FAAP20: variants seen among roughly 807,000 people sequenced by gnomAD.
FAAP20 encodes Fanconi anemia core complex-associated protein 20.
FAAP20 carries 12 observed loss-of-function variants against 16.2 expected under a neutral mutation model. The ratio of observed to expected loss-of-function variants is 0.74; its 90% CI spans 0.48 to 1.20. FAAP20 has a LOEUF of 1.20. Ranked by LOEUF, FAAP20 falls within the 50% of genes most tolerant of loss-of-function variation. The pLI is 0.00. For missense variants in FAAP20, 288 were observed against 245.8 expected, an observed-to-expected ratio of 1.17 and a Z score of -1.15; for synonymous variants, 141 against 110.7, an observed-to-expected ratio of 1.27 and a Z score of -1.72.
chr1:2,211,900 C>CTTTTT (rs60874812), downstream of FAAP20, among the ~76,000 whole-genome samples: 365 of 98,768 alleles, frequency 3.7e-3, 4 homozygotes, highest in Middle Eastern at 7.8e-3. Flanking sequence ...CAAGCTGCTG[C>CTTTTT]TTTTTTTTTT....
intron 3 of FAAP20, chr1:2,190,610 G>A: frequency 2.8e-6 from 1 of 354,674 alleles, no homozygotes; most frequent in Non-Finnish European, 5.7e-6. Context: ...GAGAGTGCCG[G>A]AGCTGGCGTG....
At chr1:2,204,905 T>TC, upstream of FAAP20, among the ~76,000 whole-genome samples, 1 of 8,452 alleles carries the variant, frequency 1.2e-4, no homozygotes. Context: ...GCCCCGCCCC[T>TC]CAAGCCCCCC....
At chr1:2,203,635 G>A (rs1689130325), upstream of FAAP20, 1 of 985,964 alleles carries the variant, frequency 1.0e-6, no homozygotes, top group Non-Finnish European at 1.2e-6. Context: ...TGGGGCCTGA[G>A]CGGAGGGAAG....
At chr1:2,206,924 C>T (rs1458722654) in intron 1 of FAAP20, among the ~76,000 whole-genome samples, 1 of 152,068 alleles carries the variant, frequency 6.6e-6, no homozygotes, top group Non-Finnish European at 1.5e-5. Context: ...ATGCAGCCAG[C>T]TTCTTCCCTG....
At chr1:2,200,877 T>A, upstream of FAAP20, 2 of 1,078,270 alleles carry the variant, frequency 1.9e-6, no homozygotes, top group Middle Eastern at 4.6e-4. Context: ...GTGGAGAGGG[T>A]GGCTGGGACC....
At chr1:2,201,085 T>C (rs1217994767), upstream of FAAP20, 1 of 1,289,122 alleles carries the variant, frequency 7.8e-7, no homozygotes, top group African/African-American at 1.5e-5. Flanking sequence ...CATAGGAAAC[T>C]GTGCTTGGTG....
At chr1:2,201,375 C>G (rs560123589), upstream of FAAP20, 4 of 495,970 alleles carry the variant, frequency 8.1e-6, no homozygotes, top group Non-Finnish European at 1.1e-5. Flanking sequence ...AAGGCACCGC[C>G]GGGGGCTTAG....
At chr1:2,204,477 G>A (rs1689162746), upstream of FAAP20, among the ~76,000 whole-genome samples, 1 of 152,230 alleles carries the variant, frequency 6.6e-6, no homozygotes, top group Non-Finnish European at 1.5e-5. Context: ...CCAGGAAAAA[G>A]CCGCCAGGCC....
chr1:2,204,056 T>A (rs865948725), upstream of FAAP20, among the ~76,000 whole-genome samples: 14 of 152,202 alleles, frequency 9.2e-5, no homozygotes, highest in Admixed American at 3.9e-4. Context: ...AGCTCACATC[T>A]GGGCAGTTGG....
upstream of FAAP20, among the ~76,000 whole-genome samples, chr1:2,204,889 C>A (rs934799468): frequency 9.6e-6 from 1 of 104,540 alleles, no homozygotes; most frequent in African/African-American, 6.9e-5. Context: ...CACGCCCCGC[C>A]CTCAAGCCCC....
At chr1:2,205,872 C>T (rs531093832) in intron 3 of FAAP20, among the ~76,000 whole-genome samples, 1 of 152,370 alleles carries the variant, frequency 6.6e-6, no homozygotes, top group African/African-American at 2.4e-5. Flanking sequence ...GGCCTGCGCC[C>T]CCTACCCGGG....
At chr1:2,189,947 C>G (rs1572099304) in intron 3 of FAAP20, 166 bp from the exon 4 acceptor site, 1 of 650,290 alleles carries the variant, frequency 1.5e-6, no homozygotes, top group East Asian at 2.7e-5. Context: ...CGGCAGACCA[C>G]GGTAACCGCC....
chr1:2,186,066 C>T (rs371288231), downstream of FAAP20: 5 of 453,902 alleles, frequency 1.1e-5, no homozygotes, highest in East Asian at 7.0e-5. Flanking sequence ...TGCCAGCTGC[C>T]AGGTGTCAGG....
chr1:2,186,266 G>A (rs572563092), downstream of FAAP20: 5 of 280,590 alleles, frequency 1.8e-5, no homozygotes, highest in East Asian at 1.1e-4. Context: ...GAAGAGAGAC[G>A]TAAAACCCCA....
chr1:2,197,904 C>G, upstream of FAAP20: 2 of 1,186,940 alleles, frequency 1.7e-6, no homozygotes, highest in African/African-American at 1.6e-5. Flanking sequence ...CCCCTCCCGC[C>G]TGACAGCTTC....
chr1:2,204,637 G>T (rs1172317571), upstream of FAAP20, among the ~76,000 whole-genome samples: 1 of 151,876 alleles, frequency 6.6e-6, no homozygotes, highest in Non-Finnish European at 1.5e-5. Context: ...ACGTCAGCCG[G>T]GTGGATTCCC....
chr1:2,198,884 T>C (rs1688930802), upstream of FAAP20: 1 of 1,289,734 alleles, frequency 7.8e-7, no homozygotes, highest in African/African-American at 1.5e-5. Flanking sequence ...TGTGGTGGCA[T>C]TTATGGGATA....
In FAAP20 at chr1:2,194,728, G is replaced by C; in HGVS notation, c.22C>G (p.Arg8Gly). Residue 8 changes from arginine to glycine, a missense_variant, in exon 1 of 4, where the codon CGG becomes GGG. Coordinates refer to ENST00000378546, the MANE Select transcript of FAAP20 (RefSeq NM_182533.4). ...GGCCTCCGGCGGCTCAACCCCAGCC[G>C]CGGCCTCCGCGCCGCCTCCATCCAA... MEAARRP[R>G]LGLSRRRPRP... The C allele has an allele frequency of 8.4e-7, 1 of 1,190,058 alleles. No homozygotes were observed. Among genetic ancestry groups the C allele is most frequent in the Non-Finnish European group, 1.0e-6 (1 of 963,616 alleles). The allele number at this position is 1,190,058 out of a possible 1,614,324, so 73.7% of individuals were successfully genotyped here.
At chr1:2,211,079 A>C (rs380190), downstream of FAAP20, among the ~76,000 whole-genome samples, 36,070 of 152,056 alleles carry the variant, frequency 0.24, 4,850 homozygotes, top group South Asian at 0.29. Context: ...CAGGGGCTGG[A>C]TGCCCTTGGG....
Sources: allele counts gnomAD v4.1 joint callset (sites outside exome capture counted in the v4.1 genomes callset), GRCh38; gene constraint gnomAD v4.1.1; transcripts MANE v1.5; gene names NCBI Gene and HGNC (gene_info 2026-07-23, HGNC 2026-07-21).